SNPH: variants seen among roughly 807,000 people sequenced by gnomAD.
SNPH encodes syntaphilin.
SNPH carries 10 observed loss-of-function variants against 36.8 expected under a neutral mutation model. That is an observed-to-expected ratio of 0.27 (90% CI 0.17 to 0.46). The LOEUF is 0.46. Ranked by LOEUF, SNPH falls within the 20% of genes least tolerant of loss-of-function variation. SNPH has a pLI of 1.00. For synonymous variants in SNPH, 281 were observed against 312.2 expected (o/e 0.90, Z 1.05); for missense variants, 622 against 744.0 (o/e 0.84, Z 1.91).
At chr20:1,299,299 A>G (rs552126317) in intron 5 of SNPH, among the ~76,000 whole-genome samples, 1 of 152,276 alleles carries the variant, frequency 6.6e-6, no homozygotes, top group East Asian at 1.9e-4. Context: ...TCATAAAGGG[A>G]CATTGCCCCT....
intron 2 of SNPH, among the ~76,000 whole-genome samples, chr20:1,277,740 CGTGTG>C: frequency 1.1e-5 from 1 of 91,072 alleles, no homozygotes; most frequent in East Asian, 3.5e-4. Flanking sequence ...CTGTGTGTGT[CGTGTG>C]TCTGTGTGTG....
intron 2 of SNPH, among the ~76,000 whole-genome samples, chr20:1,279,978 C>T (rs927531850): frequency 2.0e-5 from 3 of 152,150 alleles, no homozygotes; most frequent in Non-Finnish European, 4.4e-5. Flanking sequence ...GGGCGAGGAG[C>T]GTGTGTCAGT....
Position 1,305,414 on chromosome 20 carries a change from G to A in SNPH, c.977G>A (p.Gly326Asp). The A allele has an allele frequency of 1.2e-6, 2 of 1,613,062 alleles. No individual in the cohort carries two copies. Among genetic ancestry groups the A allele is most frequent in the Non-Finnish European group, 1.7e-6 (2 of 1,180,014 alleles). ...GAGACCTCGCTGCACAGCTCCTTCG[G>A]CCTGGGCCCCCGCTTCCCTGCCAGC... Reference protein sequence around the residue: ...TEETSLHSSFGLGPRFPASNT... With the variant: ...TEETSLHSSFDLGPRFPASNT... The change falls in exon 7 of 7, where the codon GGC (glycine) becomes GAC (aspartate). Residue 326 changes from glycine to aspartate, a missense_variant. Physicochemically the swap from Gly to Asp is moderately conservative, Grantham distance 94. Coordinates refer to ENST00000381867, the MANE Select transcript of SNPH (RefSeq NM_001318234.2).
intron 5 of SNPH, 37 bp downstream of exon 5, chr20:1,297,289 G>T (rs374137406): frequency 6.3e-6 from 10 of 1,592,696 alleles, no homozygotes; most frequent in Admixed American, 1.7e-5. Flanking sequence ...GGCCCTGCTG[G>T]CTGGGAACAG....
At chr20:1,267,184 C>T (rs1016266014) in intron 2 of SNPH, among the ~76,000 whole-genome samples, 2 of 151,034 alleles carry the variant, frequency 1.3e-5, no homozygotes, top group African/African-American at 4.9e-5. Flanking sequence ...TGCTTCCATC[C>T]CATCTTTCCC....
chr20:1,303,144 GT>G, intron 6 of SNPH, among the ~76,000 whole-genome samples: 1 of 152,394 alleles, frequency 6.6e-6, no homozygotes, highest in South Asian at 2.1e-4. Flanking sequence ...TCCATATGGA[GT>G]TTCATGCCTG....
At chr20:1,297,004 G>A (rs528535833) in intron 4 of SNPH, 141 bp from the exon 5 acceptor site, 63 of 1,401,710 alleles carry the variant, frequency 4.5e-5, no homozygotes, top group South Asian at 7.9e-5. Context: ...CTGTCTGTGC[G>A]TCTCTCTCTC....
intron 4 of SNPH, among the ~76,000 whole-genome samples, 198 bp downstream of exon 4, chr20:1,296,619 C>T (rs2088438763): frequency 6.6e-6 from 1 of 152,240 alleles, no homozygotes; most frequent in African/African-American, 2.4e-5. Context: ...TGTGAGAGTT[C>T]TCGGAAGGTG....
At chr20:1,303,622 T>G (rs565938138) in intron 6 of SNPH, among the ~76,000 whole-genome samples, 7 of 152,314 alleles carry the variant, frequency 4.6e-5, no homozygotes, top group Non-Finnish European at 1.0e-4. Flanking sequence ...GGGCCCCTTC[T>G]AGGTGACACC....
In SNPH at chr20:1,306,301, G is replaced by C; in HGVS notation, c.*247G>C. ...AGGTACACCAGCTGGACAAATTGCAGGGAGGGGAGGGAGCGAGGGCCAACC... is the reference window on the plus strand; with the variant it reads ...AGGTACACCAGCTGGACAAATTGCACGGAGGGGAGGGAGCGAGGGCCAACC... On this transcript the variant is annotated 3_prime_UTR_variant, in exon 7 of 7. Transcript: ENST00000381867. 2.5e-6 allele frequency: 1 copy of C among 406,448 alleles called. No homozygotes were observed. The allele number at this position is 406,448 out of a possible 1,614,324, so 25.2% of individuals were successfully genotyped here.
At chr20:1,273,445 A>T (rs1417047905) in intron 2 of SNPH, among the ~76,000 whole-genome samples, 1 of 152,232 alleles carries the variant, frequency 6.6e-6, no homozygotes, top group Admixed American at 6.5e-5. Flanking sequence ...ATTTACAACC[A>T]TTCATTCAAC....
intron 2 of SNPH, among the ~76,000 whole-genome samples, chr20:1,290,242 A>G (rs2088342860): frequency 6.6e-6 from 1 of 152,062 alleles, no homozygotes; most frequent in South Asian, 2.1e-4. Flanking sequence ...TTTAAAATGT[A>G]CAATTCAGGG....
At chr20:1,297,991 G>A (rs1252926592) in intron 5 of SNPH, among the ~76,000 whole-genome samples, 1 of 152,202 alleles carries the variant, frequency 6.6e-6, no homozygotes, top group African/African-American at 2.4e-5. Flanking sequence ...GGTGAACTCG[G>A]ACTCACAAAG....
chr20:1,287,826 G>A (rs1266581255), intron 2 of SNPH, among the ~76,000 whole-genome samples: 2 of 152,214 alleles, frequency 1.3e-5, no homozygotes, highest in Non-Finnish European at 2.9e-5. Context: ...GCCGGACTGA[G>A]GCTTGACAGC....
In SNPH at chr20:1,307,857, C is replaced by G. The variant is rs1419653275; in HGVS notation, c.*1803C>G. 6.6e-6 allele frequency: 1 copy of G among 152,420 alleles called. No individual in the cohort carries two copies. Among genetic ancestry groups the G allele is most frequent in the African/African-American group, 2.4e-5 (1 of 41,452 alleles). The allele number at this position is 152,420 out of a possible 1,614,324, so 9.4% of individuals were successfully genotyped here. On this transcript the variant is annotated 3_prime_UTR_variant, in exon 7 of 7. Coordinates refer to ENST00000381867, the MANE Select transcript of SNPH (RefSeq NM_001318234.2). ...CCAAACCCAGATGCCTGAGGCCTGG[C>G]TGGGGCTGCCCCCGCAGGACACTGT...
In SNPH at chr20:1,275,323, G is replaced by C. The variant is rs369551421; in HGVS notation, c.-493+8563G>C. Among the ~76,000 whole-genome samples, 11 of 152,282 alleles carry C rather than the reference G, an allele frequency of 7.2e-5. No homozygotes were observed. In the South Asian group the frequency reaches 2.3e-3, roughly 32 times the overall value. ...GTGGTCCCCTGTGGGAAAGAGCCTG[G>C]TATATAGCAGATGTCCCCACGAACA... On this transcript the variant is annotated intron_variant, in intron 2 of 6. Transcript: ENST00000381867.
rs557151101 is a variant in SNPH at position 1,295,810 on chromosome 20, T to A, written c.-430T>A. On this transcript the variant is annotated 5_prime_UTR_variant, in exon 4 of 7. It adds an upstream start codon to the 5' untranslated region. Coordinates refer to ENST00000381867, the MANE Select transcript of SNPH (RefSeq NM_001318234.2). ...CCCGAACCACGGGCCAACTGGGAAGTTGATGGTCGGCGAGACCAGCCCATC... is the reference window on the plus strand; with the variant it reads ...CCCGAACCACGGGCCAACTGGGAAGATGATGGTCGGCGAGACCAGCCCATC... The A allele has an allele frequency of 1.8e-5, 3 of 169,666 alleles. No homozygotes were observed. Among genetic ancestry groups the A allele is most frequent in the African/African-American group, 7.1e-5 (3 of 42,238 alleles). 10.5% of individuals were successfully genotyped at this position (169,666 alleles called of 1,614,324 possible). A position where few individuals can be genotyped will look rare whatever the true frequency, so the allele number is the denominator to read the frequency against.
At chr20:1,279,716 C>A (rs1038732751) in intron 2 of SNPH, among the ~76,000 whole-genome samples, 3 of 151,578 alleles carry the variant, frequency 2.0e-5, no homozygotes, top group Non-Finnish European at 4.4e-5. Context: ...CAACCTCCAC[C>A]TCCTGGGCTC....
chr20:1,277,867 GTGTGTC>G (rs1451342509), intron 2 of SNPH, among the ~76,000 whole-genome samples: 4 of 142,270 alleles, frequency 2.8e-5, no homozygotes, highest in Admixed American at 2.8e-4. Context: ...GTGTGTGCCT[GTGTGTC>G]TGTCTGTGCC....
Sources: allele counts gnomAD v4.1 joint callset (sites outside exome capture counted in the v4.1 genomes callset), GRCh38; gene constraint gnomAD v4.1.1; transcripts MANE v1.5; gene names NCBI Gene and HGNC (gene_info 2026-07-23, HGNC 2026-07-21).